The following RABGAP1L variants were observed in gnomAD, a reference collection of about 807,000 sequenced individuals.
RABGAP1L encodes RAB GTPase activating protein 1 like.
RABGAP1L carries 63 observed loss-of-function variants against 137.7 expected under a neutral mutation model. The ratio of observed to expected loss-of-function variants is 0.46; its 90% CI spans 0.37 to 0.56. The LOEUF (loss-of-function observed/expected upper bound fraction) is 0.56, where lower values mean the gene tolerates loss of function less well. Ranked by LOEUF, RABGAP1L falls within the 20% of genes least tolerant of loss-of-function variation. The pLI is 0.00. For missense variants in RABGAP1L, 1,095 were observed against 1,244.0 expected (o/e 0.88, Z 1.80); for synonymous variants, 431 against 433.7 (o/e 0.99, Z 0.08).
intron 1 of RABGAP1L, among the ~76,000 whole-genome samples, chr1:174,191,444 A>AG (rs1378450218): frequency 1.3e-5 from 2 of 152,174 alleles, no homozygotes; most frequent in Non-Finnish European, 2.9e-5. Flanking sequence ...CACCAGTTTG[A>AG]GAAAAAAAGA....
intron 13 of RABGAP1L, among the ~76,000 whole-genome samples, chr1:174,599,526 G>A (rs2148164208): frequency 6.6e-6 from 1 of 152,274 alleles, no homozygotes; most frequent in Non-Finnish European, 1.5e-5. Flanking sequence ...GGATAGGTCA[G>A]CAATTAATGA....
chr1:174,231,003 T>A (rs2148505942), intron 3 of RABGAP1L, 142 bp from the exon 4 acceptor site: 1 of 602,378 alleles, frequency 1.7e-6, no homozygotes, highest in Non-Finnish European at 2.8e-6. Context: ...AATCCTAAAA[T>A]TTTAAAATAT....
intron 20 of RABGAP1L, among the ~76,000 whole-genome samples, chr1:174,958,381 T>C (rs1668797042): frequency 1.3e-5 from 2 of 152,334 alleles, no homozygotes; most frequent in African/African-American, 4.8e-5. Flanking sequence ...TCCAACTTAT[T>C]TTTTTCCAAG....
At chr1:174,798,518 T>C (rs1275113612) in intron 18 of RABGAP1L, among the ~76,000 whole-genome samples, 1 of 152,176 alleles carries the variant, frequency 6.6e-6, no homozygotes, top group Non-Finnish European at 1.5e-5. Context: ...TTTCTTAAAA[T>C]TCTTGTTTTT....
At chr1:174,214,891 G>T (rs550766924) in intron 1 of RABGAP1L, among the ~76,000 whole-genome samples, 3 of 152,262 alleles carry the variant, frequency 2.0e-5, no homozygotes, top group East Asian at 3.9e-4. Flanking sequence ...GCTACTAAGA[G>T]AAATTATTGG....
chr1:174,350,197 C>A (rs1163241598), intron 11 of RABGAP1L, among the ~76,000 whole-genome samples: 2 of 142,904 alleles, frequency 1.4e-5, no homozygotes, highest in South Asian at 2.3e-4. Flanking sequence ...TGACCCCCCC[C>A]CCACCTCCCT....
At chr1:174,634,889 G>A (rs1190737848) in intron 13 of RABGAP1L, among the ~76,000 whole-genome samples, 3 of 119,870 alleles carry the variant, frequency 2.5e-5, no homozygotes, top group Non-Finnish European at 5.2e-5. Flanking sequence ...GTGGTGGGGT[G>A]GGGGGAGGGG....
At chr1:174,764,172 A>G (rs898361509) in intron 18 of RABGAP1L, among the ~76,000 whole-genome samples, 2 of 152,154 alleles carry the variant, frequency 1.3e-5, no homozygotes, top group Admixed American at 6.5e-5. Context: ...ATAATATTCC[A>G]TTGTTCAAAT....
chr1:174,648,623 T>C (rs1675189338), intron 14 of RABGAP1L, among the ~76,000 whole-genome samples: 1 of 152,176 alleles, frequency 6.6e-6, no homozygotes, highest in Non-Finnish European at 1.5e-5. Flanking sequence ...CTTCCAATTT[T>C]GTGGTCAATT....
At chr1:174,683,689 C>G in intron 15 of RABGAP1L, 93 bp downstream of exon 15, 1 of 968,992 alleles carries the variant, frequency 1.0e-6, no homozygotes. Flanking sequence ...TCCCATTTAT[C>G]TGATGGAGAT....
intron 19 of RABGAP1L, among the ~76,000 whole-genome samples, chr1:174,902,420 C>T (rs1658299069): frequency 6.6e-6 from 1 of 152,192 alleles, no homozygotes; most frequent in Non-Finnish European, 1.5e-5. Context: ...TTGTGAGGTG[C>T]TGTGGAAGTG....
At chr1:174,462,385 T>C (rs145725532) in intron 13 of RABGAP1L, among the ~76,000 whole-genome samples, 1 of 152,348 alleles carries the variant, frequency 6.6e-6, no homozygotes, top group East Asian at 1.9e-4. Context: ...ATATGTACAA[T>C]GGTTTTTTTA....
chr1:174,690,672 T>C (rs1016573302), intron 15 of RABGAP1L, among the ~76,000 whole-genome samples: 3 of 152,190 alleles, frequency 2.0e-5, no homozygotes, highest in African/African-American at 4.8e-5. Flanking sequence ...TTTTATGGCT[T>C]ATACATTGAC....
At chr1:174,872,121 T>G (rs1318085233) in intron 19 of RABGAP1L, among the ~76,000 whole-genome samples, 2 of 152,114 alleles carry the variant, frequency 1.3e-5, no homozygotes, top group Admixed American at 6.6e-5. Context: ...TCCCACTGGT[T>G]TTTCTTTTTT....
At chr1:174,871,876 A>G (rs1360743645) in intron 19 of RABGAP1L, among the ~76,000 whole-genome samples, 1 of 152,230 alleles carries the variant, frequency 6.6e-6, no homozygotes, top group Non-Finnish European at 1.5e-5. Context: ...ATTTTGAGTG[A>G]TAACAAATAT....
At chr1:174,528,497 T>C (rs1275766968) in intron 13 of RABGAP1L, among the ~76,000 whole-genome samples, 4 of 152,048 alleles carry the variant, frequency 2.6e-5, no homozygotes, top group Admixed American at 2.6e-4. Context: ...ACTGGCCTTT[T>C]TTTTTTATTT....
chr1:174,924,504 A>G (rs1662381613), intron 19 of RABGAP1L, among the ~76,000 whole-genome samples: 2 of 152,010 alleles, frequency 1.3e-5, no homozygotes, highest in African/African-American at 2.4e-5. Flanking sequence ...AATGGCATTT[A>G]TGGAGAACTC....
rs546424762 is a variant in RABGAP1L at position 174,972,650 on chromosome 1, C to T, written c.2544+3263C>T. On this transcript the variant is annotated intron_variant, in intron 21 of 25. Transcript: ENST00000681986. ...GGTGGATTGCCTGAGCTTAGGAGTT[C>T]GAGACCAGCCTGGGGAACACGGTGA... is the stretch of plus-strand genomic sequence containing the variant. 1.2e-4 allele frequency among the ~76,000 whole-genome samples: 18 copies of T among 151,956 alleles called. No individual in the cohort carries two copies. In the South Asian group the frequency reaches 2.7e-3, roughly 23 times the overall value.
At chr1:174,444,903 T>C (rs973000105) in intron 13 of RABGAP1L, among the ~76,000 whole-genome samples, 1 of 152,028 alleles carries the variant, frequency 6.6e-6, no homozygotes, top group Admixed American at 6.6e-5. Context: ...TTGTTGATCT[T>C]TTTATGTTTT....
Sources: gnomAD v4.1 joint callset for allele counts (sites outside exome capture counted in the v4.1 genomes callset) on GRCh38, gnomAD v4.1.1 for gene constraint, MANE v1.5 for transcripts, NCBI Gene and HGNC (gene_info 2026-07-23, HGNC 2026-07-21) for gene names.